Variants in B3GNT7 observed in about 807,000 individuals in gnomAD.
The protein encoded by B3GNT7 is UDP-GlcNAc:betaGal beta-1,3-N-acetylglucosaminyltransferase 7, also known as BGnT-7.
In B3GNT7, 9 loss-of-function variants were observed where a neutral mutation model predicts 5.1. The ratio of observed to expected loss-of-function variants is 1.77; its 90% CI spans 1.07 to 3.09. The LOEUF (loss-of-function observed/expected upper bound fraction) is 3.09, where lower values mean the gene tolerates loss of function less well. Ranked by LOEUF, B3GNT7 falls within the 30% of genes most tolerant of loss-of-function variation. The pLI is 0.00. For missense variants in B3GNT7, 468 were observed against 550.8 expected, an observed-to-expected ratio of 0.85 and a Z score of 1.50; for synonymous variants, 253 against 248.6, an observed-to-expected ratio of 1.02 and a Z score of -0.17.
rs1260112126 is a variant in B3GNT7 at position 231,399,007 on chromosome 2, C to T, written c.*82C>T. 7.8e-7 allele frequency: 1 copy of T among 1,283,338 alleles called. No homozygotes were observed. Among genetic ancestry groups the T allele is most frequent in the Non-Finnish European group, 1.0e-6 (1 of 954,106 alleles). 79.5% of individuals were successfully genotyped at this position (1,283,338 alleles called of 1,614,324 possible). ...TGGGGCTGGAGCCACAGTGCCCAGG[C>T]CTAGCCTTTGGTCCCCAAGGGGAGG... On this transcript the variant is annotated 3_prime_UTR_variant, in exon 2 of 2. Transcript: ENST00000287590.
rs772071141 is a variant in B3GNT7 at position 231,398,619 on chromosome 2, C to T, written c.900C>T (p.Gly300=). The T allele has an allele frequency of 4.3e-6, 7 of 1,612,330 alleles. No individual in the cohort carries two copies. Among genetic ancestry groups the T allele is most frequent in the Admixed American group, 3.3e-5 (2 of 59,928 alleles). ...GKASYPPYAG[G]GGFLMAGSLA... Reference sequence around the variant, plus strand: ...CCAGCTATCCGCCGTATGCAGGCGGCGGTGGCTTCCTCATGGCCGGCAGCC... The same window carrying T: ...CCAGCTATCCGCCGTATGCAGGCGGTGGTGGCTTCCTCATGGCCGGCAGCC... The change falls in exon 2 of 2, where the codon GGC becomes GGT. Residue 300 remains glycine, a synonymous_variant. Transcript: ENST00000287590.
In B3GNT7 at chr2:231,395,823, G is replaced by A. The variant is rs2046507716; in HGVS notation, c.11+9G>A. 1.7e-6 allele frequency: 2 copies of A among 1,167,878 alleles called. No individual in the cohort carries two copies. The highest frequency in any genetic ancestry group is 1.1e-6 in the Non-Finnish European group (1 of 946,956). The allele number at this position is 1,167,878 out of a possible 1,614,324, so 72.3% of individuals were successfully genotyped here. ...GCCGCCATGTCGCTGTGGTGAGTGG[G>A]GCTGGGGGCCGTCGGGGGCCTGGGC... On this transcript the variant is annotated intron_variant, in intron 1 of 1. Transcript: ENST00000287590. The surrounding 1 kb of genome is among the most constrained non-coding windows in gnomAD (Gnocchi z 7.3).
rs1431185898 is a variant in B3GNT7 at position 231,395,796 on chromosome 2, G to A, written c.-8G>A. 21 of 1,168,534 alleles carry A rather than the reference G, an allele frequency of 1.8e-5. No homozygotes were observed. The highest frequency in any genetic ancestry group is 3.2e-5 in the African/African-American group (2 of 61,622). The allele number at this position is 1,168,534 out of a possible 1,614,324, so 72.4% of individuals were successfully genotyped here. A position where few individuals can be genotyped will look rare whatever the true frequency, so the allele number is the denominator to read the frequency against. On this transcript the variant is annotated 5_prime_UTR_variant, in exon 1 of 2. Coordinates refer to ENST00000287590, the MANE Select transcript of B3GNT7 (RefSeq NM_145236.3). The surrounding 1 kb of genome is among the most constrained non-coding windows in gnomAD (Gnocchi z 7.3). ...GCTCGCCCCTCCGCCGCTCCGGCCC[G>A]GGCCGCCATGTCGCTGTGGTGAGTG...
intron 1 of B3GNT7, chr2:231,397,378 C>G (rs536447765): frequency 3.4e-4 from 157 of 463,790 alleles, no homozygotes; most frequent in African/African-American, 3.0e-3. Context: ...CAGCATTCCC[C>G]TAACTGTGCA....
chr2:231,397,729 A>T lies in B3GNT7; in HGVS notation c.12-2A>T. The T allele has an allele frequency of 1.2e-6, 2 of 1,607,698 alleles. No homozygotes were observed. Among genetic ancestry groups the T allele is most frequent in the Non-Finnish European group, 1.7e-6 (2 of 1,177,368 alleles). ...CTCTGTACTGTCCGCTCTCCCCCAC[A>T]GGAAGAAAACCGTCTACCGGAGTCT... On this transcript the variant is annotated splice_acceptor_variant, in intron 1 of 1. Transcript: ENST00000287590. LOFTEE classifies it high-confidence loss of function.
At chr2:231,397,330 G>A in intron 1 of B3GNT7, 1 of 912,518 alleles carries the variant, frequency 1.1e-6, no homozygotes, top group Non-Finnish European at 1.3e-6. Context: ...TGGGGAACAG[G>A]GCAGAGGTTT....
At position 231,398,752 on chromosome 2, in the gene B3GNT7, G is replaced by A. The variant is rs2046538898; in HGVS notation, c.1033G>A (p.Glu345Lys). 11 of 1,609,868 alleles carry A rather than the reference G, an allele frequency of 6.8e-6. No homozygotes were observed. The highest frequency in any genetic ancestry group is 9.3e-6 in the Non-Finnish European group (11 of 1,179,842). The change falls in exon 2 of 2, where the codon GAG (glutamate) becomes AAG (lysine). Residue 345 changes from glutamate (E) to lysine (K), a missense_variant. Physicochemically the swap from Glu to Lys is moderately conservative, Grantham distance 56. Coordinates refer to ENST00000287590, the MANE Select transcript of B3GNT7 (RefSeq NM_145236.3). ...EVLGVQPTAH[E>K]GFKTFGISRN... ...GCTGGGCGTGCAGCCCACGGCCCAC[G>A]AGGGCTTCAAGACTTTCGGCATCTC...
Position 231,399,015 on chromosome 2 carries a change from T to C in B3GNT7, c.*90T>C. 8.1e-7 allele frequency: 1 copy of C among 1,227,636 alleles called. No homozygotes were observed. The highest frequency in any genetic ancestry group is 2.6e-5 in the East Asian group (1 of 39,152). The allele number at this position is 1,227,636 out of a possible 1,614,324, so 76.0% of individuals were successfully genotyped here. ...GAGCCACAGTGCCCAGGCCTAGCCT[T>C]TGGTCCCCAAGGGGAGGTGGAGGGT... On this transcript the variant is annotated 3_prime_UTR_variant, in exon 2 of 2. Transcript: ENST00000287590.
Position 231,395,899 on chromosome 2 carries a change from G to A in B3GNT7, c.11+85G>A, listed in dbSNP as rs892442061. 5.8e-5 allele frequency: 55 copies of A among 955,116 alleles called. No homozygotes were observed. The highest frequency in any genetic ancestry group is 6.8e-5 in the Non-Finnish European group (52 of 760,638). 59.2% of individuals were successfully genotyped at this position (955,116 alleles called of 1,614,324 possible). ...TCCTCCGTGGCCACAGACGGGCGCC[G>A]GGACTCCCGGGATAGGAGATGCCCC... On this transcript the variant is annotated intron_variant, in intron 1 of 1. Transcript: ENST00000287590. The surrounding 1 kb of genome is among the most constrained non-coding windows in gnomAD (Gnocchi z 7.3).
At position 231,395,935 on chromosome 2, in the gene B3GNT7, G is replaced by T; in HGVS notation, c.11+121G>T. 1 of 663,310 alleles carries T rather than the reference G, an allele frequency of 1.5e-6. No individual in the cohort carries two copies. Among genetic ancestry groups the T allele is most frequent in the Non-Finnish European group, 2.0e-6 (1 of 503,584 alleles). 41.1% of individuals were successfully genotyped at this position (663,310 alleles called of 1,614,324 possible). A position where few individuals can be genotyped will look rare whatever the true frequency, so the allele number is the denominator to read the frequency against. ...GATAGGAGATGCCCCCGCGCGCGCC[G>T]CGCCGGCCTCAGTTTCCCGGGGGCG... On this transcript the variant is annotated intron_variant, in intron 1 of 1. Coordinates refer to ENST00000287590, the MANE Select transcript of B3GNT7 (RefSeq NM_145236.3). This position sits in a 1 kb window ranked among gnomAD's most constrained non-coding sequence, Gnocchi z 7.3.
chr2:231,398,311 C>T lies in B3GNT7; in HGVS notation c.592C>T (p.Arg198Cys), dbSNP rs540612597. Residue 198 changes from arginine (R) to cysteine (C), a missense_variant, in exon 2 of 2, where the codon CGC (arginine) becomes TGC (cysteine). By Grantham distance (180) the Arg-to-Cys change is radical. Transcript: ENST00000287590. ...HYQQLLAYED[R>C]LYGDILQWGF... ...CCAGCAGCTGCTGGCCTACGAAGAC[C>T]GCCTCTACGGCGACATCCTGCAGTG... 8 of 1,613,242 alleles carry T rather than the reference C, an allele frequency of 5.0e-6. No individual in the cohort carries two copies. The highest frequency in any genetic ancestry group is 1.3e-5 in the African/African-American group (1 of 74,926).
rs1450136704 is a variant in B3GNT7 at position 231,400,800 on chromosome 2, G to A, written c.*1875G>A. 1 of 152,162 alleles carries A rather than the reference G, an allele frequency of 6.6e-6. No individual in the cohort carries two copies. Among genetic ancestry groups the A allele is most frequent in the Non-Finnish European group, 1.5e-5 (1 of 68,036 alleles). The allele number at this position is 152,162 out of a possible 1,614,324, so 9.4% of individuals were successfully genotyped here. The stretch of plus-strand genomic sequence containing the variant: ...CCTAGTTTATAAGACAGGAGAAAAG[G>A]GAGAAAGCAAAAAGCTGGAAAGAAA... On this transcript the variant is annotated 3_prime_UTR_variant, in exon 2 of 2. Coordinates refer to ENST00000287590, the MANE Select transcript of B3GNT7 (RefSeq NM_145236.3).
At position 231,398,099 on chromosome 2, in the gene B3GNT7, C is replaced by T. The variant is rs780328214; in HGVS notation, c.380C>T (p.Pro127Leu). The T allele has an allele frequency of 3.1e-6, 5 of 1,612,078 alleles. No homozygotes were observed. The highest frequency in any genetic ancestry group is 2.2e-5 in the East Asian group (1 of 44,878). The change falls in exon 2 of 2, where the codon CCG (proline) becomes CTG (leucine). Residue 127 changes from proline to leucine, a missense_variant. Physicochemically the swap from Pro to Leu is moderately conservative, Grantham distance 98 (BLOSUM62 -3). Transcript: ENST00000287590. Reference sequence around the variant, plus strand: ...TACTTCCCCATGCTGCTGAACCACCCGGAGAAGTGCAGGGGCGATGTCTAC... The same window carrying T: ...TACTTCCCCATGCTGCTGAACCACCTGGAGAAGTGCAGGGGCGATGTCTAC... ...CRYFPMLLNHPEKCRGDVYLL... is the reference protein window; with the variant it reads ...CRYFPMLLNHLEKCRGDVYLL...
intron 1 of B3GNT7, 101 bp from the exon 2 acceptor site, chr2:231,397,630 C>T: frequency 8.9e-7 from 1 of 1,124,020 alleles, no homozygotes; most frequent in Non-Finnish European, 1.2e-6. Flanking sequence ...TGCCCAGGTC[C>T]ACTTGCCCGT....
Position 231,397,971 on chromosome 2 carries a change from GACC to G in B3GNT7, c.258_260del (p.Thr87del). The G allele has an allele frequency of 4.3e-6, 7 of 1,612,124 alleles. No individual in the cohort carries two copies. Among genetic ancestry groups the G allele is most frequent in the Non-Finnish European group, 5.9e-6 (7 of 1,179,894 alleles). On this transcript the variant is annotated inframe_deletion, in exon 2 of 2. Transcript: ENST00000287590. Reference sequence around the variant, plus strand: ...CTCAGGGGCCCCAGGCCTGGGACGTGACCACCACTAACTGCTCAGCCAATATCA... The same window carrying G: ...CTCAGGGGCCCCAGGCCTGGGACGTGACCACTAACTGCTCAGCCAATATCA...
Position 231,399,236 on chromosome 2 carries a change from G to A in B3GNT7, c.*311G>A. On this transcript the variant is annotated 3_prime_UTR_variant, in exon 2 of 2. Transcript: ENST00000287590. ...GTTGCTGGCCCCCTCAGATGTGGTG[G>A]GAGGTCCTGGTGACCTCTGGAGGAA... 2.4e-6 allele frequency: 1 copy of A among 408,234 alleles called. No homozygotes were observed. 25.3% of individuals were successfully genotyped at this position (408,234 alleles called of 1,614,324 possible). A position where few individuals can be genotyped will look rare whatever the true frequency, so the allele number is the denominator to read the frequency against.
At position 231,395,891 on chromosome 2, in the gene B3GNT7, C is replaced by G; in HGVS notation, c.11+77C>G. 1 of 1,020,808 alleles carries G rather than the reference C, an allele frequency of 9.8e-7. No individual in the cohort carries two copies. Among genetic ancestry groups the G allele is most frequent in the Non-Finnish European group, 1.2e-6 (1 of 818,926 alleles). The allele number at this position is 1,020,808 out of a possible 1,614,324, so 63.2% of individuals were successfully genotyped here. A position where few individuals can be genotyped will look rare whatever the true frequency, so the allele number is the denominator to read the frequency against. On this transcript the variant is annotated intron_variant, in intron 1 of 1. Coordinates refer to ENST00000287590, the MANE Select transcript of B3GNT7 (RefSeq NM_145236.3). The surrounding 1 kb of genome is among the most constrained non-coding windows in gnomAD (Gnocchi z 7.3). ...GCTCCCCCTCCTCCGTGGCCACAGA[C>G]GGGCGCCGGGACTCCCGGGATAGGA... is the stretch of plus-strand genomic sequence containing the variant.
chr2:231,395,749 G>C lies in B3GNT7; in HGVS notation c.-55G>C. On this transcript the variant is annotated 5_prime_UTR_variant, in exon 1 of 2. Coordinates refer to ENST00000287590, the MANE Select transcript of B3GNT7 (RefSeq NM_145236.3). The surrounding 1 kb of genome is among the most constrained non-coding windows in gnomAD (Gnocchi z 7.3). ...GCCCGCCGTCCCGCCGGCCCGAGCC[G>C]TGGCGCCCAGAGCTGCGAGCCGCTC... 8.6e-7 allele frequency: 1 copy of C among 1,161,020 alleles called. No individual in the cohort carries two copies. Among genetic ancestry groups the C allele is most frequent in the Non-Finnish European group, 1.1e-6 (1 of 942,800 alleles). The allele number at this position is 1,161,020 out of a possible 1,614,324, so 71.9% of individuals were successfully genotyped here. A position where few individuals can be genotyped will look rare whatever the true frequency, so the allele number is the denominator to read the frequency against.
chr2:231,396,520 A>G (rs1281446527), intron 1 of B3GNT7, among the ~76,000 whole-genome samples: 1 of 152,126 alleles, frequency 6.6e-6, no homozygotes, highest in Non-Finnish European at 1.5e-5. Context: ...CCCTATGGGG[A>G]AAATGTCGCT....
Sources: allele counts gnomAD v4.1 joint callset (sites outside exome capture counted in the v4.1 genomes callset), GRCh38; gene constraint gnomAD v4.1.1; non-coding constraint Gnocchi (gnomAD v3.1); transcripts MANE v1.5; gene names NCBI Gene and HGNC (gene_info 2026-07-23, HGNC 2026-07-21).